CTPS2: variants seen among roughly 807,000 people sequenced by gnomAD.
The protein encoded by CTPS2 is CTP synthase 2, also known as CTP synthase II.
CTPS2 carries 19 observed loss-of-function variants against 46.8 expected under a neutral mutation model. The observed-to-expected ratio is 0.41, with a 90% CI of 0.28 to 0.60. CTPS2 has a LOEUF of 0.60. CTPS2 is among the 20% of genes least tolerant of loss of function. The pLI is 0.35. For synonymous variants in CTPS2, 151 were observed against 165.2 expected (o/e 0.91, Z 0.66); for missense variants, 286 against 447.6 (o/e 0.64, Z 3.26).
At position 16,667,326 on chromosome X, in the gene CTPS2, G is replaced by T. The variant is rs1018609579; in HGVS notation, c.1296+188C>A. Among the ~76,000 whole-genome samples, 4 of 110,459 alleles carry T rather than the reference G, an allele frequency of 3.6e-5. No individual in the cohort carries two copies. In the South Asian group the frequency reaches 1.2e-3, roughly 32 times the overall value. ...TTTTGTATTTTTAGTAGAGACAGGG[G>T]TTTCACCATGTTGACCAGGCTACTC... On this transcript the variant is annotated intron_variant, in intron 13 of 18. Coordinates refer to ENST00000359276, the MANE Select transcript of CTPS2 (RefSeq NM_175859.3).
chrX:16,638,021 C>T (rs928956727), intron 14 of CTPS2, among the ~76,000 whole-genome samples: 4 of 110,807 alleles, frequency 3.6e-5, no homozygotes, highest in African/African-American at 1.3e-4. Context: ...TTTGGGAGGC[C>T]GAGGCGGGCA....
rs868266212 is a variant in CTPS2, at chrX:16,684,504, G to A, written c.873-1278C>T. 2.5e-3 allele frequency among the ~76,000 whole-genome samples: 213 copies of A among 84,326 alleles called. 1 individual carries two copies. The highest frequency in any genetic ancestry group is 0.01 in the African/African-American group (204 of 19,672). The allele number at this position is 84,326 out of a possible 115,157, so 73.2% of individuals were successfully genotyped here. ...AGCCTAGGCCACAGAGCGAGACTCTGTCTCCAAAAAAAAAAAAAAAAAAAC... is the reference window on the plus strand; with the variant it reads ...AGCCTAGGCCACAGAGCGAGACTCTATCTCCAAAAAAAAAAAAAAAAAAAC... On this transcript the variant is annotated intron_variant, in intron 8 of 18. Transcript: ENST00000359276.
intron 13 of CTPS2, among the ~76,000 whole-genome samples, chrX:16,649,552 C>T (rs1932497976): frequency 8.9e-6 from 1 of 112,124 alleles, no homozygotes; most frequent in Admixed American, 9.5e-5. Flanking sequence ...AGTGCAGTGG[C>T]ACAATCATGG....
intron 13 of CTPS2, among the ~76,000 whole-genome samples, chrX:16,664,956 C>A (rs1921051661): frequency 8.9e-6 from 1 of 111,766 alleles, no homozygotes; most frequent in Non-Finnish European, 1.9e-5. Flanking sequence ...AATACAAATA[C>A]CCTAATTTTA....
chrX:16,664,105 G>A (rs908096736), intron 13 of CTPS2, among the ~76,000 whole-genome samples: 1 of 112,047 alleles, frequency 8.9e-6, no homozygotes, highest in Non-Finnish European at 1.9e-5. Context: ...CAAAGTGCTG[G>A]GATTATAGGC....
rs148635711 is a variant in CTPS2, at chrX:16,651,741, C to T, written c.1297-12498G>A. On this transcript the variant is annotated intron_variant, in intron 13 of 18. Coordinates refer to ENST00000359276, the MANE Select transcript of CTPS2 (RefSeq NM_175859.3). The stretch of plus-strand genomic sequence containing the variant: ...AAATTTCCTGGGCCATAAAGTTTCA[C>T]ATCAAAATCACCCCAGAGTTGTCAA... Among the ~76,000 whole-genome samples, 850 of 112,365 alleles carry T rather than the reference C, an allele frequency of 7.6e-3. 2 individuals are homozygous for T. The highest frequency in any genetic ancestry group is 0.032 in the Middle Eastern group (7 of 219).
chrX:16,608,017 G>A (rs1249380490), intron 17 of CTPS2, among the ~76,000 whole-genome samples: 1 of 111,620 alleles, frequency 9.0e-6, no homozygotes, highest in African/African-American at 3.3e-5. Context: ...TTCGAGACCA[G>A]CCTGGCCAAC....
chrX:16,678,498 C>G (rs746630287), intron 9 of CTPS2, 48 bp from the exon 10 acceptor site: 32 of 760,219 alleles, frequency 4.2e-5, no homozygotes, highest in Non-Finnish European at 6.0e-5. Context: ...AAAATAAACA[C>G]TCAAAAATAC....
In CTPS2 at chrX:16,670,429, T is replaced by C. The variant is rs147244118; in HGVS notation, c.1189+151A>G. The C allele has an allele frequency of 2.5e-3, 1,001 of 407,972 alleles. 5 individuals carry two copies. Among genetic ancestry groups the C allele is most frequent in the African/African-American group, 0.023 (901 of 39,254 alleles). 33.6% of individuals were successfully genotyped at this position (407,972 alleles called of 1,213,427 possible). ...AACAGGCTGTGGGCCAAATTTAGAA[T>C]ATAGTTTGTTGACCCTATAGCAGAC... On this transcript the variant is annotated intron_variant, in intron 11 of 18. Transcript: ENST00000359276.
At chrX:16,673,986 A>G (rs1383478468) in intron 10 of CTPS2, among the ~76,000 whole-genome samples, 1 of 112,255 alleles carries the variant, frequency 8.9e-6, no homozygotes, top group African/African-American at 3.2e-5. Flanking sequence ...CACCAAAAGT[A>G]AAAGTTCCTA....
At chrX:16,645,916 T>C (rs1489518227) in intron 13 of CTPS2, among the ~76,000 whole-genome samples, 3 of 112,711 alleles carry the variant, frequency 2.7e-5, no homozygotes, top group Admixed American at 9.4e-5. Flanking sequence ...TACCACATGA[T>C]GACACAGCAA....
intron 13 of CTPS2, among the ~76,000 whole-genome samples, chrX:16,645,045 C>T (rs1021686725): frequency 4.5e-5 from 5 of 111,842 alleles, no homozygotes; most frequent in East Asian, 2.8e-4. Flanking sequence ...TGCAGTGGCA[C>T]GATCTCGGCT....
At chrX:16,638,654 C>A in intron 14 of CTPS2, 1 of 181,788 alleles carries the variant, frequency 5.5e-6, no homozygotes, top group Non-Finnish European at 1.1e-5. Flanking sequence ...GCCATCTCCC[C>A]ACACTGGGGC....
chrX:16,705,492 G>A (rs768653518), intron 1 of CTPS2, among the ~76,000 whole-genome samples: 4 of 112,208 alleles, frequency 3.6e-5, no homozygotes, highest in South Asian at 3.7e-4. Context: ...TAAATGTTAA[G>A]TCTCCATCCC....
At chrX:16,608,230 T>TA (rs1569192860) in intron 17 of CTPS2, among the ~76,000 whole-genome samples, 53 of 109,667 alleles carry the variant, frequency 4.8e-4, no homozygotes, top group African/African-American at 1.7e-3. Context: ...ATAAATAAAT[T>TA]AATTTAATTT....
intron 3 of CTPS2, 44 bp from the exon 4 acceptor site, chrX:16,698,380 G>A (rs1456924044): frequency 3.1e-6 from 3 of 954,784 alleles, no homozygotes; most frequent in Admixed American, 4.5e-5. Context: ...CCATGCTCAT[G>A]AGAAAAGAAT....
chrX:16,645,307 G>A (rs1932269716), intron 13 of CTPS2, among the ~76,000 whole-genome samples: 1 of 111,129 alleles, frequency 9.0e-6, no homozygotes, highest in African/African-American at 3.3e-5. Context: ...ATCTCACAGT[G>A]TTTTAAGTGT....
Position 16,620,805 on chromosome X carries a change from A to G in CTPS2, c.1394-473T>C, listed in dbSNP as rs1402230440. Among the ~76,000 whole-genome samples the G allele has an allele frequency of 4.5e-5, 5 of 111,948 alleles. No individual in the cohort carries two copies. The East Asian group carries it at 8.4e-4, about 19-fold the overall frequency. On this transcript the variant is annotated intron_variant, in intron 14 of 18. Coordinates refer to ENST00000359276, the MANE Select transcript of CTPS2 (RefSeq NM_175859.3). ...CCCAGGCTTCCTCACACCTGGCCCAATGCTTTCTCCACTCCACCAGCTGCC... is the reference window on the plus strand; with the variant it reads ...CCCAGGCTTCCTCACACCTGGCCCAGTGCTTTCTCCACTCCACCAGCTGCC...
At chrX:16,620,665 G>A (rs563491834) in intron 14 of CTPS2, among the ~76,000 whole-genome samples, 7 of 111,972 alleles carry the variant, frequency 6.3e-5, no homozygotes, top group South Asian at 7.4e-4. Flanking sequence ...CTGCACTATC[G>A]CTTCAGTGCA....
Sources: gnomAD v4.1 joint callset for allele counts (sites outside exome capture counted in the v4.1 genomes callset) on GRCh38, gnomAD v4.1.1 for gene constraint, MANE v1.5 for transcripts, NCBI Gene and HGNC (gene_info 2026-07-23, HGNC 2026-07-21) for gene names.